SDK1: variants seen among roughly 807,000 people sequenced by gnomAD.
SDK1 encodes the protein sidekick cell adhesion molecule 1, also known as protein sidekick-1.
SDK1 carries 157 observed loss-of-function variants against 245.5 expected under a neutral mutation model. The ratio of observed to expected loss-of-function variants is 0.64; its 90% CI spans 0.56 to 0.73. The LOEUF is 0.73. SDK1 is among the 30% of genes least tolerant of loss of function. The pLI is 0.00. For missense variants in SDK1, 3,583 were observed against 3,002.3 expected (o/e 1.19, Z -4.52); for synonymous variants, 1,647 against 1,278.5 (o/e 1.29, Z -6.15).
chr7:4,102,584 ACT>A (rs1782627439), intron 22 of SDK1, among the ~76,000 whole-genome samples: 1 of 151,666 alleles, frequency 6.6e-6, no homozygotes, highest in South Asian at 2.1e-4. Context: ...GAGGTTAATG[ACT>A]CTCCTCTGAG....
chr7:4,228,675 G>T (rs1785575855), intron 40 of SDK1, among the ~76,000 whole-genome samples: 1 of 152,182 alleles, frequency 6.6e-6, no homozygotes, highest in Non-Finnish European at 1.5e-5. Context: ...GAGTAGCTGG[G>T]ATTACAGGAG....
At chr7:3,417,135 C>T (rs1583826318) in intron 1 of SDK1, among the ~76,000 whole-genome samples, 1 of 152,158 alleles carries the variant, frequency 6.6e-6, no homozygotes, top group Non-Finnish European at 1.5e-5. Flanking sequence ...GACTGCGCCA[C>T]TGCACTCAAG....
At chr7:3,726,030 T>G (rs1215466417) in intron 4 of SDK1, among the ~76,000 whole-genome samples, 1 of 152,238 alleles carries the variant, frequency 6.6e-6, no homozygotes, top group Non-Finnish European at 1.5e-5. Flanking sequence ...ATTGCTGATT[T>G]GCTAAGTGTG....
Position 3,866,657 on chromosome 7 carries a change from A to G in SDK1, c.847+45074A>G, listed in dbSNP as rs73312025. On this transcript the variant is annotated intron_variant, in intron 5 of 44. Transcript: ENST00000404826. ...ACTCCCCTGCCCCTGCCCATAATCCATGGACCACAGATTAATTGAAAAGAG... is the reference window on the plus strand; with the variant it reads ...ACTCCCCTGCCCCTGCCCATAATCCGTGGACCACAGATTAATTGAAAAGAG... Among the ~76,000 whole-genome samples the G allele has an allele frequency of 8.3e-3, 1,271 of 152,228 alleles. 17 individuals are homozygous for G. The highest frequency in any genetic ancestry group is 0.029 in the African/African-American group (1,215 of 41,522).
chr7:4,231,462 A>C (rs375784926), intron 40 of SDK1, among the ~76,000 whole-genome samples: 1 of 151,958 alleles, frequency 6.6e-6, no homozygotes, highest in African/African-American at 2.4e-5. Context: ...AGACCCAGCT[A>C]TCCAGGAGAC....
chr7:3,354,947 T>C (rs1780753305), intron 1 of SDK1, among the ~76,000 whole-genome samples: 1 of 152,244 alleles, frequency 6.6e-6, no homozygotes, highest in Non-Finnish European at 1.5e-5. Flanking sequence ...ACTCACTACA[T>C]GTGAAAGTGG....
At chr7:3,527,581 G>A (rs899583444) in intron 1 of SDK1, among the ~76,000 whole-genome samples, 4 of 152,188 alleles carry the variant, frequency 2.6e-5, no homozygotes, top group Admixed American at 2.6e-4. Context: ...CTGGATCATA[G>A]CCAGTTAGAG....
At chr7:3,364,833 T>C (rs1781047942) in intron 1 of SDK1, among the ~76,000 whole-genome samples, 1 of 152,220 alleles carries the variant, frequency 6.6e-6, no homozygotes, top group African/African-American at 2.4e-5. Flanking sequence ...GTGATTTTGA[T>C]AGGAATTGCA....
intron 1 of SDK1, among the ~76,000 whole-genome samples, chr7:3,341,169 A>G (rs1185239090): frequency 1.3e-5 from 2 of 152,212 alleles, no homozygotes; most frequent in African/African-American, 2.4e-5. Context: ...AATATTTAAC[A>G]TGACCAAATG....
intron 22 of SDK1, among the ~76,000 whole-genome samples, chr7:4,084,327 G>A (rs191607290): frequency 1.3e-5 from 2 of 152,176 alleles, no homozygotes; most frequent in Admixed American, 1.3e-4. Flanking sequence ...TACCTGTTCA[G>A]TGGGTTTCAG....
intron 5 of SDK1, among the ~76,000 whole-genome samples, chr7:3,841,456 G>C (rs1313079516): frequency 6.6e-6 from 1 of 152,196 alleles, no homozygotes; most frequent in Non-Finnish European, 1.5e-5. Flanking sequence ...ATTTGAGAAG[G>C]ACTAACATCT....
chr7:4,084,675 CGTTATGTTATGTTATGTTATGTTAT>C (rs60696477), intron 22 of SDK1, among the ~76,000 whole-genome samples: 7 of 119,774 alleles, frequency 5.8e-5, no homozygotes, highest in East Asian at 4.2e-4. Context: ...TGTTATGTTA[CGTTATGTTATGTTATGTTATGTTAT>C]GTTATGTTAT....
chr7:3,580,850 C>T (rs888146319), intron 1 of SDK1, among the ~76,000 whole-genome samples: 12 of 151,416 alleles, frequency 7.9e-5, no homozygotes, highest in African/African-American at 2.9e-4. Context: ...CGCCTGTAGT[C>T]CCAGCTACTC....
intron 4 of SDK1, among the ~76,000 whole-genome samples, chr7:3,662,281 C>T (rs952741139): frequency 6.6e-6 from 1 of 152,096 alleles, no homozygotes; most frequent in Non-Finnish European, 1.5e-5. Flanking sequence ...TGAAAGGTAT[C>T]ATCATCTGAA....
intron 14 of SDK1, among the ~76,000 whole-genome samples, chr7:4,006,253 G>A (rs58873518): frequency 0.069 from 10,422 of 152,098 alleles, 820 homozygotes; most frequent in African/African-American, 0.2. Context: ...CGTGATTCTC[G>A]GCCTTACCAC....
At chr7:3,706,528 A>G (rs993839318) in intron 4 of SDK1, among the ~76,000 whole-genome samples, 2 of 152,040 alleles carry the variant, frequency 1.3e-5, no homozygotes, top group Non-Finnish European at 2.9e-5. Context: ...CGGCCTCCCA[A>G]ATAGCTGGGA....
chr7:3,407,520 A>C (rs146686858), intron 1 of SDK1, among the ~76,000 whole-genome samples: 1 of 152,202 alleles, frequency 6.6e-6, no homozygotes, highest in African/African-American at 2.4e-5. Flanking sequence ...GAAAAAATCA[A>C]CATAGTGGCG....
chr7:3,970,240 G>T (rs1037199734), intron 11 of SDK1, among the ~76,000 whole-genome samples: 4 of 151,918 alleles, frequency 2.6e-5, no homozygotes, highest in African/African-American at 9.7e-5. Flanking sequence ...TTGTTGAAAC[G>T]TTATTCTTCC....
At chr7:3,361,805 A>G (rs1780960721) in intron 1 of SDK1, among the ~76,000 whole-genome samples, 1 of 152,240 alleles carries the variant, frequency 6.6e-6, no homozygotes, top group African/African-American at 2.4e-5. Context: ...CAATCAATCA[A>G]GAATAACCGG....
Sources: allele counts gnomAD v4.1 joint callset (sites outside exome capture counted in the v4.1 genomes callset), GRCh38; gene constraint gnomAD v4.1.1; transcripts MANE v1.5; gene names NCBI Gene and HGNC (gene_info 2026-07-23, HGNC 2026-07-21).